Variants in ZSCAN16 observed in about 807,000 individuals in gnomAD.
ZSCAN16 encodes zinc finger and SCAN domain containing 16, also known as zinc finger and SCAN domain-containing protein 16.
In ZSCAN16, 15 loss-of-function variants were observed where a neutral mutation model predicts 19.4. The observed-to-expected ratio is 0.77, with a 90% CI of 0.52 to 1.19. ZSCAN16 has a LOEUF of 1.19. Ranked by LOEUF, ZSCAN16 falls within the 50% of genes most tolerant of loss-of-function variation. The pLI, the probability that ZSCAN16 is intolerant of heterozygous loss-of-function variation, is 0.00. For synonymous variants in ZSCAN16, 138 were observed against 146.5 expected (o/e 0.94, Z 0.42); for missense variants, 327 against 415.7 (o/e 0.79, Z 1.86).
Position 28,125,503 on chromosome 6 carries a change from C to T in ZSCAN16, c.60C>T (p.Asp20=). The T allele has an allele frequency of 6.2e-7, 1 of 1,614,156 alleles. No homozygotes were observed. Among genetic ancestry groups the T allele is most frequent in the Middle Eastern group, 1.6e-4 (1 of 6,062 alleles). The change falls in exon 2 of 4, where the codon GAC becomes GAT. Residue 20 remains aspartate (D), a synonymous_variant. Transcript: ENST00000340487. This position sits in a 1 kb window ranked among gnomAD's most constrained non-coding sequence, Gnocchi z 6.2. Reference sequence around the variant, plus strand: ...GACTTCTGATAATTAAGGCAGAGGACCATTACTGGGGACAGGATTCCAGCT... The same window carrying T: ...GACTTCTGATAATTAAGGCAGAGGATCATTACTGGGGACAGGATTCCAGCT... The part of the protein sequence containing the change: ...QKGLLIIKAE[D]HYWGQDSSSQ...
Position 28,125,642 on chromosome 6 carries a change from C to T in ZSCAN16, c.199C>T (p.Arg67Cys), listed in dbSNP as rs767744414. Reference protein sequence around the residue: ...EALTQLWELCRQWLRPECHTK... With the variant: ...EALTQLWELCCQWLRPECHTK... ...TCTTACCCAGCTGTGGGAGCTCTGCCGTCAGTGGCTGAGGCCAGAATGCCA... is the reference window on the plus strand; with the variant it reads ...TCTTACCCAGCTGTGGGAGCTCTGCTGTCAGTGGCTGAGGCCAGAATGCCA... Residue 67 changes from arginine (R) to cysteine (C), a missense_variant, in exon 2 of 4, where the codon CGT (arginine) becomes TGT (cysteine). By Grantham distance (180) the Arg-to-Cys change is radical. Coordinates refer to ENST00000340487, the MANE Select transcript of ZSCAN16 (RefSeq NM_025231.3). This position sits in a 1 kb window ranked among gnomAD's most constrained non-coding sequence, Gnocchi z 6.2. 6.2e-6 allele frequency: 10 copies of T among 1,614,230 alleles called. No homozygotes were observed. The South Asian group carries it at 7.7e-5, about 12-fold the overall frequency.
Position 28,125,689 on chromosome 6 carries a change from C to T in ZSCAN16, c.246C>T (p.Asp82=). 1 of 1,614,236 alleles carries T rather than the reference C, an allele frequency of 6.2e-7. No individual in the cohort carries two copies. The highest frequency in any genetic ancestry group is 1.3e-5 in the African/African-American group (1 of 75,066). The change falls in exon 2 of 4, where the codon GAC becomes GAT. Residue 82 remains aspartate (D), a synonymous_variant. Transcript: ENST00000340487. The surrounding 1 kb of genome is among the most constrained non-coding windows in gnomAD (Gnocchi z 6.2). ...PECHTKEQIL[D]LLVLEQFLSI... is the part of the protein sequence containing the mutation. ...GCCACACCAAGGAGCAGATTTTAGA[C>T]CTGCTGGTGCTAGAACAGTTCCTGA... is the stretch of plus-strand genomic sequence containing the variant.
chr6:28,129,328 T>C, intron 3 of ZSCAN16, 102 bp from the exon 4 acceptor site: 1 of 1,422,600 alleles, frequency 7.0e-7, no homozygotes, highest in Non-Finnish European at 9.4e-7. Flanking sequence ...CTTCTCATTA[T>C]TTTATAACAC....
intron 3 of ZSCAN16, among the ~76,000 whole-genome samples, chr6:28,129,193 C>T (rs1370282575): frequency 6.6e-6 from 1 of 152,122 alleles, no homozygotes; most frequent in African/African-American, 2.4e-5. Context: ...TTAATCTACT[C>T]TCAAACAACT....
In ZSCAN16 at chr6:28,130,026, A is replaced by G. The variant is rs1765018442; in HGVS notation, c.*76A>G. On this transcript the variant is annotated 3_prime_UTR_variant, in exon 4 of 4. Transcript: ENST00000340487. Reference sequence around the variant, plus strand: ...CAAAGAATCTATTTTAGAAACCTTGAGTTTCCTCAATGTGGTCAAAGCTTC... The same window carrying G: ...CAAAGAATCTATTTTAGAAACCTTGGGTTTCCTCAATGTGGTCAAAGCTTC... The G allele has an allele frequency of 1.6e-6, 2 of 1,231,226 alleles. No homozygotes were observed. The highest frequency in any genetic ancestry group is 3.0e-5 in the African/African-American group (2 of 65,666). The allele number at this position is 1,231,226 out of a possible 1,614,324, so 76.3% of individuals were successfully genotyped here. A position where few individuals can be genotyped will look rare whatever the true frequency, so the allele number is the denominator to read the frequency against.
Position 28,125,567 on chromosome 6 carries a change from C to A in ZSCAN16, c.124C>A (p.Gln42Lys). The change falls in exon 2 of 4, where the codon CAA (glutamine) becomes AAA (lysine). Residue 42 changes from glutamine to lysine, a missense_variant. Physicochemically the swap from Gln to Lys is moderately conservative, Grantham distance 53. Transcript: ENST00000340487. This position sits in a 1 kb window ranked among gnomAD's most constrained non-coding sequence, Gnocchi z 6.2. ...TCCTCACAGGAGGGAACTCTATAGA[C>A]AACACTTCAGGAAGCTCTGCTATCA... Reference protein sequence around the residue: ...CSPHRRELYRQHFRKLCYQDA... With the variant: ...CSPHRRELYRKHFRKLCYQDA... The A allele has an allele frequency of 6.2e-7, 1 of 1,614,210 alleles. No individual in the cohort carries two copies. The highest frequency in any genetic ancestry group is 8.5e-7 in the Non-Finnish European group (1 of 1,180,042).
chr6:28,127,575 A>G (rs1764942326), intron 3 of ZSCAN16, among the ~76,000 whole-genome samples: 1 of 152,204 alleles, frequency 6.6e-6, no homozygotes. Context: ...TAGGGCTTCA[A>G]TGTATGAATT....
Position 28,128,712 on chromosome 6 carries a change from T to G in ZSCAN16, c.527-718T>G, listed in dbSNP as rs146162729. 2.2e-4 allele frequency among the ~76,000 whole-genome samples: 33 copies of G among 152,326 alleles called. No homozygotes were observed. In the East Asian group the frequency reaches 5.8e-3, roughly 27 times the overall value. ...TAATAAACGATCCAGCTGATTCTGATGCACAATAAGGTTAGAAACCACCGA... is the reference window on the plus strand; with the variant it reads ...TAATAAACGATCCAGCTGATTCTGAGGCACAATAAGGTTAGAAACCACCGA... On this transcript the variant is annotated intron_variant, in intron 3 of 3. Coordinates refer to ENST00000340487, the MANE Select transcript of ZSCAN16 (RefSeq NM_025231.3).
chr6:28,129,467 G>A lies in ZSCAN16; in HGVS notation c.564G>A (p.Gln188=). 2 of 1,613,262 alleles carry A rather than the reference G, an allele frequency of 1.2e-6. No homozygotes were observed. Among genetic ancestry groups the A allele is most frequent in the Non-Finnish European group, 1.7e-6 (2 of 1,179,668 alleles). The change falls in exon 4 of 4, where the codon CAG becomes CAA. Residue 188 remains glutamine (Q), a synonymous_variant. Coordinates refer to ENST00000340487, the MANE Select transcript of ZSCAN16 (RefSeq NM_025231.3). ...KTRTKNEELF[Q]KEDMPKDKEF... ...GGACTAAGAATGAAGAGTTGTTCCA[G>A]AAGGAAGATATGCCCAAAGACAAGG...
At chr6:28,126,725 T>C (rs1764915121) in intron 2 of ZSCAN16, 58 bp from the exon 3 acceptor site, 1 of 1,338,892 alleles carries the variant, frequency 7.5e-7, no homozygotes, top group Non-Finnish European at 9.8e-7. Flanking sequence ...TTTGATTGTT[T>C]TATCTGAAGT....
At position 28,129,416 on chromosome 6, in the gene ZSCAN16, T is replaced by C. The variant is rs758480529; in HGVS notation, c.527-14T>C. The C allele has an allele frequency of 6.3e-7, 1 of 1,588,450 alleles. No homozygotes were observed. Among genetic ancestry groups the C allele is most frequent in the Non-Finnish European group, 8.6e-7 (1 of 1,168,318 alleles). On this transcript the variant is annotated splice_polypyrimidine_tract_variant and intron_variant, in intron 3 of 3. Transcript: ENST00000340487. ...TAGAATAGGACCCGTTTGTGTACTG[T>C]TTGTTTGTTACAGGTGATAAAACTA...
chr6:28,127,928 A>G (rs1429893067), intron 3 of ZSCAN16, among the ~76,000 whole-genome samples: 2 of 152,184 alleles, frequency 1.3e-5, no homozygotes, highest in Non-Finnish European at 2.9e-5. Flanking sequence ...AGTTTTACCA[A>G]TATCCCATCC....
Position 28,125,515 on chromosome 6 carries a change from A to T in ZSCAN16, c.72A>T (p.Gly24=). The part of the protein sequence containing the change: ...LIIKAEDHYW[G]QDSSSQKCSP... The stretch of plus-strand genomic sequence containing the variant: ...TTAAGGCAGAGGACCATTACTGGGG[A>T]CAGGATTCCAGCTCACAAAAGTGCA... The change falls in exon 2 of 4, where the codon GGA becomes GGT. Residue 24 remains glycine (G), a synonymous_variant. Coordinates refer to ENST00000340487, the MANE Select transcript of ZSCAN16 (RefSeq NM_025231.3). This position sits in a 1 kb window ranked among gnomAD's most constrained non-coding sequence, Gnocchi z 6.2. 6.2e-7 allele frequency: 1 copy of T among 1,614,226 alleles called. No individual in the cohort carries two copies. The highest frequency in any genetic ancestry group is 8.5e-7 in the Non-Finnish European group (1 of 1,180,030).
chr6:28,126,721 T>A, intron 2 of ZSCAN16, 62 bp from the exon 3 acceptor site: 2 of 1,310,264 alleles, frequency 1.5e-6, no homozygotes, highest in Non-Finnish European at 2.0e-6. Context: ...TTCATTTGAT[T>A]GTTTTATCTG....
At chr6:28,129,160 C>T (rs1764982892) in intron 3 of ZSCAN16, among the ~76,000 whole-genome samples, 1 of 152,118 alleles carries the variant, frequency 6.6e-6, no homozygotes, top group African/African-American at 2.4e-5. Flanking sequence ...ATCTCTTGAG[C>T]TCTATTTTTG....
At position 28,125,382 on chromosome 6, in the gene ZSCAN16, T is replaced by C; in HGVS notation, c.-31-31T>C. 6.5e-7 allele frequency: 1 copy of C among 1,550,146 alleles called. No homozygotes were observed. Among genetic ancestry groups the C allele is most frequent in the Non-Finnish European group, 8.7e-7 (1 of 1,152,388 alleles). ...CCTTAGGAGTGTCTCTGAGGCAGGA[T>C]TCTAAGAGATTCTCTTTGACTCAAT... On this transcript the variant is annotated intron_variant, in intron 1 of 3. Coordinates refer to ENST00000340487, the MANE Select transcript of ZSCAN16 (RefSeq NM_025231.3). The surrounding 1 kb of genome is among the most constrained non-coding windows in gnomAD (Gnocchi z 6.2).
chr6:28,129,738 C>A lies in ZSCAN16; in HGVS notation c.835C>A (p.Leu279Ile), dbSNP rs767350945. 1.2e-6 allele frequency: 2 copies of A among 1,614,100 alleles called. No individual in the cohort carries two copies. Among genetic ancestry groups the A allele is most frequent in the African/African-American group, 2.7e-5 (2 of 75,030 alleles). The stretch of plus-strand genomic sequence containing the variant: ...AAAAGCCTTCATTCAGCGCTCACAT[C>A]TCATTGGACATCATAGAGTACACAC... Reference protein sequence around the residue: ...CGKAFIQRSHLIGHHRVHTGV... With the variant: ...CGKAFIQRSHIIGHHRVHTGV... Residue 279 changes from leucine (L) to isoleucine (I), a missense_variant, in exon 4 of 4, where the codon CTC becomes ATC. By Grantham distance (5) the Leu-to-Ile change is conservative. Coordinates refer to ENST00000340487, the MANE Select transcript of ZSCAN16 (RefSeq NM_025231.3).
chr6:28,126,898 A>G lies in ZSCAN16; in HGVS notation c.503A>G (p.Glu168Gly). 1 of 1,581,624 alleles carries G rather than the reference A, an allele frequency of 6.3e-7. No individual in the cohort carries two copies. Among genetic ancestry groups the G allele is most frequent in the Non-Finnish European group, 8.6e-7 (1 of 1,158,784 alleles). ...LHPKKTQLEQEAGKPQRNGDK... is the reference protein window; with the variant it reads ...LHPKKTQLEQGAGKPQRNGDK... ...CCCAAAAAGACCCAGCTGGAGCAGG[A>G]AGCTGGGAAACCACAAAGGAATGGT... The change falls in exon 3 of 4, where the codon GAA becomes GGA. Residue 168 changes from glutamate to glycine, a missense_variant. Coordinates refer to ENST00000340487, the MANE Select transcript of ZSCAN16 (RefSeq NM_025231.3).
chr6:28,126,876 AAAAAGACCCAG>A lies in ZSCAN16; in HGVS notation c.482_492del (p.Lys161ThrfsTer13). The A allele has an allele frequency of 6.3e-7, 1 of 1,583,570 alleles. No individual in the cohort carries two copies. The highest frequency in any genetic ancestry group is 1.7e-5 in the Admixed American group (1 of 58,444). Reference sequence around the variant, plus strand: ...ATCACTGACTGTCCAGCTCCATCCCAAAAAGACCCAGCTGGAGCAGGAAGCTGGGAAACCAC... The same window carrying A: ...ATCACTGACTGTCCAGCTCCATCCCACTGGAGCAGGAAGCTGGGAAACCAC... On this transcript the variant is annotated frameshift_variant, in exon 3 of 4. Transcript: ENST00000340487. LOFTEE classifies it low-confidence loss of function (END_TRUNC).
Sources: allele counts gnomAD v4.1 joint callset (sites outside exome capture counted in the v4.1 genomes callset), GRCh38; gene constraint gnomAD v4.1.1; non-coding constraint Gnocchi (gnomAD v3.1); transcripts MANE v1.5; gene names NCBI Gene and HGNC (gene_info 2026-07-23, HGNC 2026-07-21).